Variants in CDH12 observed in about 807,000 individuals in gnomAD.
CDH12 encodes cadherin 12, also known as cadherin-12.
CDH12 carries 41 observed loss-of-function variants against 74.1 expected under a neutral mutation model. The observed-to-expected ratio is 0.55, with a 90% CI of 0.43 to 0.72. The LOEUF is 0.72. Ranked by LOEUF, CDH12 falls within the 30% of genes least tolerant of loss-of-function variation. CDH12 has a pLI of 0.00. For missense variants in CDH12, 945 were observed against 977.2 expected, an observed-to-expected ratio of 0.97 and a Z score of 0.44; for synonymous variants, 399 against 355.0, an observed-to-expected ratio of 1.12 and a Z score of -1.39.
chr5:22,674,216 T>C (rs544938722), intron 1 of CDH12, among the ~76,000 whole-genome samples: 8 of 152,310 alleles, frequency 5.3e-5, no homozygotes, highest in African/African-American at 1.4e-4. Context: ...TGAATTCTGA[T>C]GTTGTGGGAG....
Position 22,068,939 on chromosome 5 carries a change from G to A in CDH12, c.231+9507C>T, listed in dbSNP as rs567036743. 2.6e-5 allele frequency among the ~76,000 whole-genome samples: 4 copies of A among 152,268 alleles called. No homozygotes were observed. The South Asian group carries it at 8.3e-4, about 32-fold the overall frequency. ...AACATTTCAGCAGTAGAGACCAACA[G>A]TAAATCCCCAATATGGCACCATTCC... is the stretch of plus-strand genomic sequence containing the variant. On this transcript the variant is annotated intron_variant, in intron 5 of 14. Coordinates refer to ENST00000382254, the MANE Select transcript of CDH12 (RefSeq NM_004061.5).
At chr5:21,886,057 C>A (rs532742617) in intron 6 of CDH12, among the ~76,000 whole-genome samples, 3 of 152,246 alleles carry the variant, frequency 2.0e-5, no homozygotes, top group Non-Finnish European at 4.4e-5. Context: ...TGGTTAAGCA[C>A]CATTTTTGTT....
chr5:22,661,771 C>T (rs1395840776), intron 1 of CDH12, among the ~76,000 whole-genome samples: 3 of 152,098 alleles, frequency 2.0e-5, no homozygotes, highest in Admixed American at 2.0e-4. Context: ...TGTAAGAAAG[C>T]TGGCCAGAAA....
At position 22,181,769 on chromosome 5, in the gene CDH12, C is replaced by T. The variant is rs984400714; in HGVS notation, c.-187+30729G>A. On this transcript the variant is annotated intron_variant, in intron 4 of 14. Coordinates refer to ENST00000382254, the MANE Select transcript of CDH12 (RefSeq NM_004061.5). ...TTTCAGGGAATGGTAATTTCCCTTT[C>T]TGCAAATTAGACATCTGGGAGTCAT... 2.6e-5 allele frequency among the ~76,000 whole-genome samples: 4 copies of T among 152,200 alleles called. No individual in the cohort carries two copies. In the South Asian group the frequency reaches 6.2e-4, roughly 24 times the overall value.
chr5:22,535,907 C>A (rs1389661587), intron 1 of CDH12, among the ~76,000 whole-genome samples: 2 of 152,192 alleles, frequency 1.3e-5, no homozygotes. Flanking sequence ...TGCGTTGGTA[C>A]TGAACACATA....
At chr5:21,909,436 T>C (rs1041509031) in intron 6 of CDH12, among the ~76,000 whole-genome samples, 3 of 152,166 alleles carry the variant, frequency 2.0e-5, no homozygotes, top group African/African-American at 7.2e-5. Context: ...TATGAACTTT[T>C]TATTTGGCAC....
At chr5:21,980,182 C>CAT (rs370738806) in intron 5 of CDH12, among the ~76,000 whole-genome samples, 1,849 of 145,830 alleles carry the variant, frequency 0.013, 38 homozygotes, top group African/African-American at 0.038. Context: ...ATATGTATGG[C>CAT]ATATATATAT....
chr5:22,190,702 G>A (rs1012543223), intron 4 of CDH12, among the ~76,000 whole-genome samples: 2 of 152,090 alleles, frequency 1.3e-5, no homozygotes, highest in East Asian at 1.9e-4. Context: ...AGTGTGGTGC[G>A]AAAAGACATC....
At chr5:22,209,406 C>A (rs866809614) in intron 4 of CDH12, among the ~76,000 whole-genome samples, 126 of 152,314 alleles carry the variant, frequency 8.3e-4, no homozygotes, top group African/African-American at 3.0e-3. Context: ...CAGTTAGTTT[C>A]TCTACCTTTT....
intron 6 of CDH12, among the ~76,000 whole-genome samples, chr5:21,870,952 A>T (rs1474368288): frequency 6.6e-6 from 1 of 152,130 alleles, no homozygotes; most frequent in African/African-American, 2.4e-5. Context: ...GGCTGGTTTC[A>T]CACTCCTAGG....
chr5:21,937,785 C>T (rs568922039), intron 6 of CDH12, among the ~76,000 whole-genome samples: 2 of 152,148 alleles, frequency 1.3e-5, no homozygotes, highest in East Asian at 3.9e-4. Context: ...CAGGGCCATG[C>T]TCACACACAG....
At chr5:22,311,702 CAAA>C (rs138539518) in intron 3 of CDH12, among the ~76,000 whole-genome samples, 65 of 94,664 alleles carry the variant, frequency 6.9e-4, no homozygotes, top group East Asian at 1.9e-3. Flanking sequence ...GACTCCATCT[CAAA>C]AAAAAAAAAA....
chr5:22,452,589 T>A (rs1745086142), intron 2 of CDH12, among the ~76,000 whole-genome samples: 1 of 151,868 alleles, frequency 6.6e-6, no homozygotes, highest in Admixed American at 6.6e-5. Context: ...ATTACATATT[T>A]AAATTTAAGA....
At chr5:22,336,587 TG>T (rs1739593082) in intron 3 of CDH12, among the ~76,000 whole-genome samples, 1 of 152,236 alleles carries the variant, frequency 6.6e-6, no homozygotes, top group Admixed American at 6.5e-5. Flanking sequence ...GCTTGGGCCA[TG>T]GCTTCAGAGG....
chr5:22,464,541 G>T (rs531756170), intron 2 of CDH12, among the ~76,000 whole-genome samples: 1 of 151,986 alleles, frequency 6.6e-6, no homozygotes, highest in African/African-American at 2.4e-5. Flanking sequence ...TCTGTTAAAT[G>T]TTGGAATTCC....
chr5:22,497,196 A>G (rs1196749589), intron 2 of CDH12, among the ~76,000 whole-genome samples: 1 of 152,198 alleles, frequency 6.6e-6, no homozygotes, highest in African/African-American at 2.4e-5. Flanking sequence ...AATATCATAT[A>G]ACATATCTAC....
intron 1 of CDH12, among the ~76,000 whole-genome samples, chr5:22,586,260 C>T (rs1214373988): frequency 1.3e-5 from 2 of 151,974 alleles, no homozygotes; most frequent in Admixed American, 6.6e-5. Context: ...ACACCGCATG[C>T]TCTCACTCAC....
intron 1 of CDH12, among the ~76,000 whole-genome samples, chr5:22,660,569 G>A (rs193139606): frequency 1.3e-4 from 20 of 152,136 alleles, no homozygotes; most frequent in Non-Finnish European, 2.2e-4. Flanking sequence ...GCATCACCAC[G>A]CCCAGCTAAT....
At chr5:22,321,388 G>T (rs367975552) in intron 3 of CDH12, among the ~76,000 whole-genome samples, 65 of 144,280 alleles carry the variant, frequency 4.5e-4, no homozygotes, top group Non-Finnish European at 7.8e-4. Context: ...GTAAACTATC[G>T]CAAGAACAAA....
Sources: allele counts gnomAD v4.1 joint callset (sites outside exome capture counted in the v4.1 genomes callset), GRCh38; gene constraint gnomAD v4.1.1; transcripts MANE v1.5; gene names NCBI Gene and HGNC (gene_info 2026-07-23, HGNC 2026-07-21).